The following CRTAC1 variants were observed in gnomAD, a reference collection of about 807,000 sequenced individuals.
CRTAC1 encodes cartilage acidic protein 1, also known as acidic secreted protein in cartilage.
In CRTAC1, 37 loss-of-function variants were observed where a neutral mutation model predicts 67.8. The observed-to-expected ratio is 0.55, with a 90% CI of 0.42 to 0.72. The LOEUF (loss-of-function observed/expected upper bound fraction) is 0.72, where lower values mean the gene tolerates loss of function less well. Ranked by LOEUF, CRTAC1 falls within the 30% of genes least tolerant of loss-of-function variation. CRTAC1 has a pLI of 0.00. For missense variants in CRTAC1, 780 were observed against 931.6 expected (o/e 0.84, Z 2.12); for synonymous variants, 348 against 371.0 (o/e 0.94, Z 0.71).
At chr10:97,948,472 G>C (rs183272691) in intron 2 of CRTAC1, among the ~76,000 whole-genome samples, 196 of 152,292 alleles carry the variant, frequency 1.3e-3, no homozygotes, top group Middle Eastern at 6.8e-3. Flanking sequence ...TGTGCTGGGG[G>C]ACACGTGGTT....
chr10:97,967,193 T>C lies in CRTAC1; in HGVS notation c.225-30827A>G, dbSNP rs1249193684. Among the ~76,000 whole-genome samples the C allele has an allele frequency of 2.0e-5, 3 of 152,348 alleles. No individual in the cohort carries two copies. In the East Asian group the frequency reaches 5.8e-4, roughly 29 times the overall value. On this transcript the variant is annotated intron_variant, in intron 2 of 14. Transcript: ENST00000370597. ...ATTTATTTATATCAGTATAGCTTCATTGATATTTATTTGTACTTTAGGTTA... is the reference window on the plus strand; with the variant it reads ...ATTTATTTATATCAGTATAGCTTCACTGATATTTATTTGTACTTTAGGTTA...
At chr10:97,898,260 A>T (rs2050488165) in intron 8 of CRTAC1, among the ~76,000 whole-genome samples, 2 of 152,202 alleles carry the variant, frequency 1.3e-5, no homozygotes, top group South Asian at 4.1e-4. Flanking sequence ...TGGAGCTCAG[A>T]GTCCGTGTTA....
rs185940579 is a variant in CRTAC1 at position 97,891,943 on chromosome 10, G to A, written c.1486+3302C>T. 2.6e-4 allele frequency among the ~76,000 whole-genome samples: 40 copies of A among 152,338 alleles called. No homozygotes were observed. In the East Asian group the frequency reaches 4.3e-3, roughly 16 times the overall value. On this transcript the variant is annotated intron_variant, in intron 11 of 14. Coordinates refer to ENST00000370597, the MANE Select transcript of CRTAC1 (RefSeq NM_018058.7). ...CTAGAGCAGCCTGCCTTCTAGTGCC[G>A]CTGGGAATGGACCCTGTCAACAGAG...
chr10:97,887,227 GTT>G (rs71007369), intron 11 of CRTAC1, among the ~76,000 whole-genome samples: 8,772 of 127,960 alleles, frequency 0.069, 317 homozygotes, highest in East Asian at 0.16. Context: ...CGGCACTTAG[GTT>G]TTTTTTTTTT....
At chr10:97,902,808 G>A (rs367899402) in intron 7 of CRTAC1, among the ~76,000 whole-genome samples, 36 of 152,168 alleles carry the variant, frequency 2.4e-4, no homozygotes, top group East Asian at 1.2e-3. Flanking sequence ...CTGGGTCAGC[G>A]GTCGAGCTGC....
chr10:97,882,355 C>A (rs1354624114), intron 13 of CRTAC1, among the ~76,000 whole-genome samples: 2 of 152,216 alleles, frequency 1.3e-5, no homozygotes, highest in African/African-American at 4.8e-5. Flanking sequence ...GCTGCAGTCT[C>A]CGTTCCACAC....
intron 8 of CRTAC1, among the ~76,000 whole-genome samples, chr10:97,899,617 C>T (rs11189425): frequency 0.076 from 11,614 of 152,302 alleles, 508 homozygotes; most frequent in South Asian, 0.12. Context: ...ATAAGCTTTT[C>T]GCAAGGCACC....
At position 97,944,451 on chromosome 10, in the gene CRTAC1, A is replaced by C. The variant is rs1166266166; in HGVS notation, c.225-8085T>G. The stretch of plus-strand genomic sequence containing the variant: ...CCATCTCAAAAAAAAAAAAATGATA[A>C]AAGAGTTGCTTAAAATGACAACAGT... On this transcript the variant is annotated intron_variant, in intron 2 of 14. Coordinates refer to ENST00000370597, the MANE Select transcript of CRTAC1 (RefSeq NM_018058.7). Among the ~76,000 whole-genome samples, 8 of 152,270 alleles carry C rather than the reference A, an allele frequency of 5.3e-5. 2 individuals are homozygous for C. Among genetic ancestry groups the C allele is most frequent in the Admixed American group, 5.2e-4 (8 of 15,294 alleles).
At chr10:97,880,139 C>A in intron 14 of CRTAC1, 110 bp downstream of exon 14, 1 of 1,309,402 alleles carries the variant, frequency 7.6e-7, no homozygotes, top group Non-Finnish European at 1.1e-6. Context: ...GAGACTCTAT[C>A]CAGCCAGGAG....
intron 2 of CRTAC1, among the ~76,000 whole-genome samples, chr10:98,005,014 C>T (rs1404531330): frequency 7.0e-6 from 1 of 143,010 alleles, no homozygotes; most frequent in African/African-American, 2.6e-5. Context: ...TGGATTTTTA[C>T]CTTGACCTAG....
intron 2 of CRTAC1, among the ~76,000 whole-genome samples, chr10:98,009,839 G>C (rs2136693284): frequency 6.6e-6 from 1 of 152,190 alleles, no homozygotes; most frequent in South Asian, 2.1e-4. Context: ...AGGAAGCCTT[G>C]GGGTTCAGAT....
Position 97,865,463 on chromosome 10 carries a change from C to T in CRTAC1, c.*85G>A, listed in dbSNP as rs574940451. 14 of 1,501,988 alleles carry T rather than the reference C, an allele frequency of 9.3e-6. No individual in the cohort carries two copies. The highest frequency in any genetic ancestry group is 1.2e-5 in the Non-Finnish European group (13 of 1,114,360). 93.0% of individuals were successfully genotyped at this position (1,501,988 alleles called of 1,614,324 possible). On this transcript the variant is annotated 3_prime_UTR_variant, in exon 15 of 15. Coordinates refer to ENST00000370597, the MANE Select transcript of CRTAC1 (RefSeq NM_018058.7). ...GGAGGGTCTAGCTCCCAGGCCTTTA[C>T]ATCCCTACTGTCTAGGCAGCAGCAC...
Position 98,030,348 on chromosome 10 carries a change from G to A in CRTAC1, c.24+101C>T, listed in dbSNP as rs1240040324. On this transcript the variant is annotated intron_variant, in intron 1 of 14. Transcript: ENST00000370597. This position sits in a 1 kb window ranked among gnomAD's most constrained non-coding sequence, Gnocchi z 4.2. ...CGATCCCAGTCTTCCCGGGTTCCCG[G>A]GCGGCGTCCCCGCCACCCTTGCGGG... is the stretch of plus-strand genomic sequence containing the variant. The A allele has an allele frequency of 6.8e-6, 5 of 736,896 alleles. No individual in the cohort carries two copies. Among genetic ancestry groups the A allele is most frequent in the Non-Finnish European group, 9.5e-6 (5 of 527,146 alleles). 45.6% of individuals were successfully genotyped at this position (736,896 alleles called of 1,614,324 possible). A position where few individuals can be genotyped will look rare whatever the true frequency, so the allele number is the denominator to read the frequency against.
At chr10:97,969,406 G>T (rs1177084256) in intron 2 of CRTAC1, among the ~76,000 whole-genome samples, 1 of 152,148 alleles carries the variant, frequency 6.6e-6, no homozygotes, top group Non-Finnish European at 1.5e-5. Flanking sequence ...AGCCACTCCA[G>T]CCCGAGCCTT....
At chr10:97,978,128 T>C (rs992921766) in intron 2 of CRTAC1, among the ~76,000 whole-genome samples, 1 of 152,132 alleles carries the variant, frequency 6.6e-6, no homozygotes, top group African/African-American at 2.4e-5. Flanking sequence ...TTGGCACCCA[T>C]GATGACCTAA....
intron 2 of CRTAC1, among the ~76,000 whole-genome samples, chr10:97,997,678 T>C (rs1455705283): frequency 6.6e-6 from 1 of 152,076 alleles, no homozygotes; most frequent in Non-Finnish European, 1.5e-5. Context: ...CTCACAAAAG[T>C]GGATAAGCAG....
chr10:97,899,853 G>T (rs1046350489), intron 8 of CRTAC1, among the ~76,000 whole-genome samples: 3 of 152,174 alleles, frequency 2.0e-5, no homozygotes, highest in African/African-American at 7.2e-5. Flanking sequence ...ACCTGGTCCT[G>T]AGCCCCATTG....
intron 1 of CRTAC1, among the ~76,000 whole-genome samples, chr10:98,022,564 G>A (rs1296873400): frequency 6.6e-6 from 1 of 151,630 alleles, no homozygotes; most frequent in Non-Finnish European, 1.5e-5. Context: ...CTTGATACAT[G>A]CTGTGAATGC....
chr10:97,978,945 G>T (rs2051849824), intron 2 of CRTAC1, among the ~76,000 whole-genome samples: 1 of 152,114 alleles, frequency 6.6e-6, no homozygotes, highest in Non-Finnish European at 1.5e-5. Context: ...TATGCATCTT[G>T]CCCAGTGATT....
Sources: gnomAD v4.1 joint callset for allele counts (sites outside exome capture counted in the v4.1 genomes callset) on GRCh38, gnomAD v4.1.1 for gene constraint, Gnocchi (gnomAD v3.1) non-coding constraint, MANE v1.5 for transcripts, NCBI Gene and HGNC (gene_info 2026-07-23, HGNC 2026-07-21) for gene names.